The following DLG2 variants were observed in gnomAD, a reference collection of about 807,000 sequenced individuals.
DLG2 encodes the protein discs large MAGUK scaffold protein 2.
DLG2 carries 45 observed loss-of-function variants against 132.5 expected under a neutral mutation model. The ratio of observed to expected loss-of-function variants is 0.34; its 90% CI spans 0.27 to 0.44. The LOEUF (loss-of-function observed/expected upper bound fraction) is 0.44. Among genes scored for constraint, DLG2 ranks in the 20% least tolerant of loss-of-function variants. The pLI is 1.00. For synonymous variants in DLG2, 424 were observed against 419.6 expected, an observed-to-expected ratio of 1.01 and a Z score of -0.13; for missense variants, 1,045 against 1,196.9, an observed-to-expected ratio of 0.87 and a Z score of 1.87.
At chr11:84,738,411 A>T (rs1004495556) in intron 6 of DLG2, among the ~76,000 whole-genome samples, 5 of 152,150 alleles carry the variant, frequency 3.3e-5, no homozygotes, top group African/African-American at 1.2e-4. Context: ...TGCAAAGAAA[A>T]AAGAAATCTA....
At chr11:84,616,884 A>G (rs1197057500) in intron 6 of DLG2, among the ~76,000 whole-genome samples, 1 of 152,154 alleles carries the variant, frequency 6.6e-6, no homozygotes, top group Non-Finnish European at 1.5e-5. Flanking sequence ...TCCAATGGGT[A>G]AACTAAAGCA....
At chr11:84,000,451 A>G (rs931982914) in intron 11 of DLG2, among the ~76,000 whole-genome samples, 1 of 151,976 alleles carries the variant, frequency 6.6e-6, no homozygotes, top group Non-Finnish European at 1.5e-5. Context: ...AAAACTATTT[A>G]ACATAATATT....
intron 19 of DLG2, among the ~76,000 whole-genome samples, chr11:83,600,036 A>G (rs1295333345): frequency 6.6e-6 from 1 of 152,192 alleles, no homozygotes; most frequent in Non-Finnish European, 1.5e-5. Flanking sequence ...GATGTGATTG[A>G]CATTTATTGA....
chr11:84,672,662 C>A (rs1018930718), intron 6 of DLG2, among the ~76,000 whole-genome samples: 4 of 152,068 alleles, frequency 2.6e-5, no homozygotes, highest in Admixed American at 2.6e-4. Flanking sequence ...GAGACAGACA[C>A]CTGAGGCACT....
intron 6 of DLG2, among the ~76,000 whole-genome samples, chr11:84,818,714 C>A (rs1006091540): frequency 6.6e-6 from 1 of 151,860 alleles, no homozygotes; most frequent in Non-Finnish European, 1.5e-5. Context: ...TCTAGAGAAA[C>A]TTCACTGTGT....
At position 83,591,188 on chromosome 11, in the gene DLG2, A is replaced by G. The variant is rs1437492234; in HGVS notation, c.1940+42023T>C. Among the ~76,000 whole-genome samples, 859 of 147,152 alleles carry G rather than the reference A, an allele frequency of 5.8e-3. 8 individuals carry two copies. Among genetic ancestry groups the G allele is most frequent in the African/African-American group, 0.02 (796 of 40,138 alleles). Reference sequence around the variant, plus strand: ...CCAAAGCCAGGCAGAGACACAACCAAAAAAGAGAATTTTAGACCAATATCC... The same window carrying G: ...CCAAAGCCAGGCAGAGACACAACCAGAAAAGAGAATTTTAGACCAATATCC... On this transcript the variant is annotated intron_variant, in intron 19 of 27. Coordinates refer to ENST00000376104, the MANE Select transcript of DLG2 (RefSeq NM_001142699.3).
At chr11:83,542,473 G>C (rs2096104546) in intron 19 of DLG2, among the ~76,000 whole-genome samples, 2 of 152,140 alleles carry the variant, frequency 1.3e-5, no homozygotes, top group Non-Finnish European at 2.9e-5. Flanking sequence ...AAAAATCTAT[G>C]CGTATGTGTG....
intron 22 of DLG2, chr11:83,480,516 G>A (rs1386481229): frequency 3.3e-6 from 5 of 1,503,878 alleles, no homozygotes; most frequent in Non-Finnish European, 4.5e-6. Context: ...GTGAGCGAAA[G>A]GCAAGTAAAA....
chr11:83,910,553 A>G (rs2075861073), intron 15 of DLG2, among the ~76,000 whole-genome samples: 2 of 152,166 alleles, frequency 1.3e-5, no homozygotes. Context: ...AATAGCTAGA[A>G]GGAAAATATT....
intron 7 of DLG2, among the ~76,000 whole-genome samples, chr11:84,428,741 G>C (rs1480347740): frequency 6.6e-6 from 1 of 152,134 alleles, no homozygotes; most frequent in African/African-American, 2.4e-5. Flanking sequence ...ATATGAATTT[G>C]GGGAGGTCAC....
intron 18 of DLG2, among the ~76,000 whole-genome samples, chr11:83,634,370 C>T (rs7945229): frequency 2.5e-4 from 38 of 152,032 alleles, no homozygotes; most frequent in Non-Finnish European, 2.5e-4. Flanking sequence ...TAAAAAGAAA[C>T]GGCTTTTGAT....
chr11:85,497,239 C>G (rs1408787011), intron 3 of DLG2, among the ~76,000 whole-genome samples: 2 of 151,486 alleles, frequency 1.3e-5, no homozygotes, highest in Non-Finnish European at 1.5e-5. Context: ...CTTAAATGAC[C>G]TGATGGAGCT....
chr11:85,583,088 A>ATGTGTGTGTGTG (rs3068389), intron 3 of DLG2, among the ~76,000 whole-genome samples: 1 of 29,852 alleles, frequency 3.3e-5, no homozygotes, highest in African/African-American at 1.3e-4. Flanking sequence ...AATATATGTG[A>ATGTGTGTGTGTG]TGTGTGTGTG....
chr11:84,356,922 G>T (rs564017233), intron 7 of DLG2, among the ~76,000 whole-genome samples: 1 of 152,140 alleles, frequency 6.6e-6, no homozygotes, highest in South Asian at 2.1e-4. Context: ...AGAGAGAAGA[G>T]AAATTGCCAG....
intron 15 of DLG2, among the ~76,000 whole-genome samples, chr11:83,918,172 G>T (rs1329669886): frequency 3.3e-5 from 5 of 152,118 alleles, no homozygotes; most frequent in Admixed American, 3.3e-4. Context: ...CTCACTGTGG[G>T]CTAAAGCAAG....
chr11:84,025,213 C>T (rs1483333983), intron 11 of DLG2, among the ~76,000 whole-genome samples: 1 of 152,072 alleles, frequency 6.6e-6, no homozygotes, highest in Non-Finnish European at 1.5e-5. Flanking sequence ...TGCTACATGG[C>T]TGGGGAGGCC....
intron 3 of DLG2, among the ~76,000 whole-genome samples, chr11:85,397,910 G>A (rs895798085): frequency 6.6e-6 from 1 of 152,094 alleles, no homozygotes; most frequent in African/African-American, 2.4e-5. Context: ...CTTGAACACA[G>A]CTCTGGACCA....
intron 15 of DLG2, among the ~76,000 whole-genome samples, chr11:83,881,053 A>G (rs1489675421): frequency 2.6e-5 from 4 of 152,296 alleles, no homozygotes; most frequent in African/African-American, 7.2e-5. Context: ...TTTTTAAAAA[A>G]AATGATAAAA....
At chr11:84,438,994 A>G (rs2099009583) in intron 7 of DLG2, among the ~76,000 whole-genome samples, 1 of 152,146 alleles carries the variant, frequency 6.6e-6, no homozygotes, top group Admixed American at 6.5e-5. Flanking sequence ...AACAACAACA[A>G]AAGTATATTG....
Sources: allele counts gnomAD v4.1 joint callset (sites outside exome capture counted in the v4.1 genomes callset), GRCh38; gene constraint gnomAD v4.1.1; transcripts MANE v1.5; gene names NCBI Gene and HGNC (gene_info 2026-07-23, HGNC 2026-07-21).